BRD2: variants seen among roughly 807,000 people sequenced by gnomAD.
BRD2 encodes bromodomain containing 2, also known as bromodomain-containing protein 2.
Under a neutral mutation model 79.1 loss-of-function variants are expected in BRD2, and 15 were observed. That is an observed-to-expected ratio of 0.19 (90% CI 0.13 to 0.29). The LOEUF (loss-of-function observed/expected upper bound fraction) is 0.29. Ranked by LOEUF, BRD2 falls within the 10% of genes least tolerant of loss-of-function variation. The pLI, the probability that BRD2 is intolerant of heterozygous loss-of-function variation, is 1.00. For missense variants in BRD2, 1,053 were observed against 991.3 expected (o/e 1.06, Z -0.84); for synonymous variants, 488 against 358.6 (o/e 1.36, Z -4.08).
Position 32,980,269 on chromosome 6 carries a change from T to C in BRD2, c.2147-73T>C, listed in dbSNP as rs1582932059. 132 of 1,589,994 alleles carry C rather than the reference T, an allele frequency of 8.3e-5. No individual in the cohort carries two copies. In the East Asian group the frequency reaches 2.9e-3, roughly 35 times the overall value. ...GGCAGCTGACGTTCAAGAAGGGAAC[T>C]TGGGAACCTTAGGGGCCCATAATAA... On this transcript the variant is annotated intron_variant, in intron 11 of 12. Transcript: ENST00000374825.
rs1051307705 is a variant in BRD2, at chr6:32,968,600, C to G, written c.-1761C>G. The G allele has an allele frequency of 2.0e-5, 3 of 152,920 alleles. No individual in the cohort carries two copies. Among genetic ancestry groups the G allele is most frequent in the Admixed American group, 2.0e-4 (3 of 15,294 alleles). The allele number at this position is 152,920 out of a possible 1,614,324, so 9.5% of individuals were successfully genotyped here. ...CCTTGCGCCTGCGCTGTGTGTGTTC[C>G]TGGTCTGCGGCAGCCATGCTGAACT... On this transcript the variant is annotated 5_prime_UTR_variant, in exon 1 of 13. Coordinates refer to ENST00000374825, the MANE Select transcript of BRD2 (RefSeq NM_005104.4).
chr6:32,975,921 G>C (rs910891020), intron 4 of BRD2, 110 bp from the exon 5 acceptor site: 29 of 1,232,824 alleles, frequency 2.4e-5, no homozygotes, highest in Non-Finnish European at 3.1e-5. Context: ...AAGATGACTG[G>C]TGGGGGTATG....
intron 1 of BRD2, 121 bp downstream of exon 1, chr6:32,969,177 C>T (rs1328663572): frequency 1.1e-5 from 6 of 550,804 alleles, no homozygotes; most frequent in Non-Finnish European, 2.0e-5. Flanking sequence ...ATTTGTCCTT[C>T]AAACCTTTTA....
rs754455849 is a variant in BRD2 at position 32,977,894 on chromosome 6, C to T, written c.1467C>T (p.Ser489=). Residue 489 remains serine (S), a synonymous_variant, in exon 9 of 13, where the codon AGC becomes AGT. Coordinates refer to ENST00000374825, the MANE Select transcript of BRD2 (RefSeq NM_005104.4). ...CCAGTGAGGAAAGTAGCAGTGAGAG[C>T]TCCTCTGAGGAAGAGGAGGAGGAAG... is the stretch of plus-strand genomic sequence containing the variant. ...ESSSEESSSE[S]SSEEEEEEDE... is the part of the protein sequence containing the mutation. 5 of 1,612,992 alleles carry T rather than the reference C, an allele frequency of 3.1e-6. No homozygotes were observed. The highest frequency in any genetic ancestry group is 4.2e-6 in the Non-Finnish European group (5 of 1,180,000).
At position 32,977,981 on chromosome 6, in the gene BRD2, T is replaced by A. The variant is rs1262708925; in HGVS notation, c.1554T>A (p.His518Gln). 1.2e-6 allele frequency: 2 copies of A among 1,611,104 alleles called. No individual in the cohort carries two copies. Reference sequence around the variant, plus strand: ...CAGACTCAGAGGAAGAAAGGGCTCATCGCTTAGCAGAACTACAGGAACAGG... The same window carrying A: ...CAGACTCAGAGGAAGAAAGGGCTCAACGCTTAGCAGAACTACAGGAACAGG... ...ESSDSEEERA[H>Q]RLAELQEQLR... is the part of the protein sequence containing the mutation. The change falls in exon 9 of 13, where the codon CAT (histidine) becomes CAA (glutamine). Residue 518 changes from histidine to glutamine, a missense_variant. Transcript: ENST00000374825.
intron 10 of BRD2, chr6:32,978,684 G>A (rs540108062): frequency 2.1e-6 from 1 of 479,030 alleles, no homozygotes; most frequent in Non-Finnish European, 3.7e-6. Context: ...TTCACAGTAG[G>A]GTTCATGCTT....
In BRD2 at chr6:32,972,492, TCATCCGCCTC is replaced by T. The variant is rs538074151; in HGVS notation, c.-400_-391del. On this transcript the variant is annotated 5_prime_UTR_variant, in exon 2 of 13. Transcript: ENST00000374825. ...CGGCTCCCTAAACCACTTTTCGTGT[TCATCCGCCTC>T]CATCCGAGATCGAAACGGGACCTCG... 3.2e-6 allele frequency: 1 copy of T among 316,870 alleles called. No homozygotes were observed. Among genetic ancestry groups the T allele is most frequent in the Admixed American group, 4.8e-5 (1 of 20,930 alleles). 19.6% of individuals were successfully genotyped at this position (316,870 alleles called of 1,614,324 possible).
rs1196251532 is a variant in BRD2, at chr6:32,969,070, CTTGTGGGGCGGAGATG to C, written c.-1305+16_-1305+31del. 7 of 478,782 alleles carry C rather than the reference CTTGTGGGGCGGAGATG, an allele frequency of 1.5e-5. No individual in the cohort carries two copies. Among genetic ancestry groups the C allele is most frequent in the Admixed American group, 6.6e-5 (2 of 30,130 alleles). 29.7% of individuals were successfully genotyped at this position (478,782 alleles called of 1,614,324 possible). ...TTTAGGATCCAGGTGAGAAGGGGCC[CTTGTGGGGCGGAGATG>C]TCAGTCAAGTGCTTAACCAATGGTG... On this transcript the variant is annotated intron_variant, in intron 1 of 12. Coordinates refer to ENST00000374825, the MANE Select transcript of BRD2 (RefSeq NM_005104.4).
chr6:32,975,287 T>TGG (rs1018019758), intron 3 of BRD2, 97 bp from the exon 4 acceptor site: 1 of 876,118 alleles, frequency 1.1e-6, no homozygotes, highest in African/African-American at 1.8e-5. Flanking sequence ...ATAGGGGGGG[T>TGG]GTGTGTGTGT....
At position 32,978,117 on chromosome 6, in the gene BRD2, T is replaced by C. The variant is rs749586936; in HGVS notation, c.1579-9T>C. On this transcript the variant is annotated splice_polypyrimidine_tract_variant and intron_variant, in intron 9 of 12. Transcript: ENST00000374825. ...TTACTTTTTCCACTTCATGTTTTTT[T>C]TCCTTTAGCTTCGGGCAGTACATGA... 2.5e-6 allele frequency: 4 copies of C among 1,593,816 alleles called. No individual in the cohort carries two copies.
intron 3 of BRD2, chr6:32,975,029 C>G: frequency 6.6e-7 from 1 of 1,526,676 alleles, no homozygotes; most frequent in Non-Finnish European, 8.8e-7. Flanking sequence ...AGATTCCCAC[C>G]TCGGGTTGGG....
At chr6:32,969,085 T>G in intron 1 of BRD2, 29 bp downstream of exon 1, 1 of 468,048 alleles carries the variant, frequency 2.1e-6, no homozygotes. Flanking sequence ...GGGGCGGAGA[T>G]GTCAGTCAAG....
Position 32,981,463 on chromosome 6 carries a change from TTGCTGTGTTTTTAATA to T in BRD2, c.*746_*761del, listed in dbSNP as rs1342984735. Reference sequence around the variant, plus strand: ...TCTTAATTTTTAAACCAGTAGGCTTTTGCTGTGTTTTTAATAAAGTAAATATGACTTTTGTAAATTG... The same window carrying T: ...TCTTAATTTTTAAACCAGTAGGCTTTAAGTAAATATGACTTTTGTAAATTG... On this transcript the variant is annotated 3_prime_UTR_variant, in exon 13 of 13. Transcript: ENST00000374825. 6.6e-6 allele frequency: 1 copy of T among 152,214 alleles called. No homozygotes were observed. Among genetic ancestry groups the T allele is most frequent in the Non-Finnish European group, 1.5e-5 (1 of 68,034 alleles). 9.4% of individuals were successfully genotyped at this position (152,214 alleles called of 1,614,324 possible). A position where few individuals can be genotyped will look rare whatever the true frequency, so the allele number is the denominator to read the frequency against.
At chr6:32,975,152 G>A (rs1400466602) in intron 3 of BRD2, 3 of 1,487,274 alleles carry the variant, frequency 2.0e-6, no homozygotes, top group African/African-American at 2.8e-5. Context: ...GTGGGTGGGA[G>A]GTGGGTGGTT....
chr6:32,976,293 C>T lies in BRD2; in HGVS notation c.654C>T (p.Val218=). 3.1e-6 allele frequency: 5 copies of T among 1,613,086 alleles called. No homozygotes were observed. The South Asian group carries it at 3.3e-5, about 11-fold the overall frequency. Residue 218 remains valine, a synonymous_variant, in exon 6 of 13, where the codon GTC becomes GTT. Coordinates refer to ENST00000374825, the MANE Select transcript of BRD2 (RefSeq NM_005104.4). ...SVTSAHQVPA[V]SSVSHTALYT... is the part of the protein sequence containing the mutation. ...CCAGTGCCCATCAGGTGCCTGCCGT[C>T]TCTTCTGTGTCACACACAGCCCTGT... is the stretch of plus-strand genomic sequence containing the variant.
intron 7 of BRD2, chr6:32,977,196 T>C (rs957640311): frequency 3.5e-5 from 52 of 1,474,048 alleles, no homozygotes; most frequent in African/African-American, 4.2e-5. Context: ...GTTAAGGAAG[T>C]TATAGGGTGG....
At chr6:32,977,394 G>T in intron 7 of BRD2, 48 bp from the exon 8 acceptor site, 1 of 1,613,058 alleles carries the variant, frequency 6.2e-7, no homozygotes, top group Non-Finnish European at 8.5e-7. Context: ...GGCAGGGAAA[G>T]GTGAGTCTTC....
intron 2 of BRD2, chr6:32,973,279 G>T: frequency 5.2e-6 from 5 of 956,782 alleles, no homozygotes; most frequent in South Asian, 1.6e-5. Flanking sequence ...AGCCTTTTAG[G>T]GGGGATTCAC....
Position 32,978,204 on chromosome 6 carries a change from GAGAAAA to G in BRD2, c.1662_1667del (p.Lys556_Lys557del), listed in dbSNP as rs1779035376. 6.2e-7 allele frequency: 1 copy of G among 1,612,942 alleles called. No homozygotes were observed. Among genetic ancestry groups the G allele is most frequent in the South Asian group, 1.1e-5 (1 of 91,088 alleles). ...GCCCAAGAGGAAAAGAGAGAAAAAA[GAGAAAA>G]AGAAGAAACGGAAGGCAGAGAAGCA... On this transcript the variant is annotated inframe_deletion, in exon 10 of 13. Transcript: ENST00000374825.
Sources: gnomAD v4.1 joint callset for allele counts on GRCh38, gnomAD v4.1.1 for gene constraint, MANE v1.5 for transcripts, NCBI Gene and HGNC (gene_info 2026-07-23, HGNC 2026-07-21) for gene names.